Variants in FEZ2 observed in about 807,000 individuals in gnomAD.
The protein encoded by FEZ2 is fasciculation and elongation protein zeta-2.
In FEZ2, 51 loss-of-function variants were observed where a neutral mutation model predicts 40.4. The ratio of observed to expected loss-of-function variants is 1.26; its 90% confidence interval spans 1.01 to 1.59. FEZ2 has a LOEUF of 1.59. Ranked by LOEUF, FEZ2 falls within the 40% of genes most tolerant of loss-of-function variation. FEZ2 has a pLI of 0.00. For missense variants in FEZ2, 640 were observed against 438.3 expected, an observed-to-expected ratio of 1.46 and a Z score of -4.11; for synonymous variants, 242 against 172.0, an observed-to-expected ratio of 1.41 and a Z score of -3.18.
intron 5 of FEZ2, among the ~76,000 whole-genome samples, chr2:36,570,269 A>C (rs928280947): frequency 1.3e-5 from 2 of 152,068 alleles, no homozygotes; most frequent in Non-Finnish European, 2.9e-5. Flanking sequence ...CATTATACCA[A>C]AGCAGATACA....
At chr2:36,586,352 G>T (rs764223535) in intron 2 of FEZ2, among the ~76,000 whole-genome samples, 1 of 152,072 alleles carries the variant, frequency 6.6e-6, no homozygotes, top group African/African-American at 2.4e-5. Context: ...AAATTAATCC[G>T]GGGTGGGCAC....
rs1218748870 is a variant in FEZ2, at chr2:36,597,891, G to C, written c.252C>G (p.Leu84=). The change falls in exon 1 of 8, where the codon CTC becomes CTG. Residue 84 remains leucine, a synonymous_variant. Coordinates refer to ENST00000405912, the MANE Select transcript of FEZ2 (RefSeq NM_005102.3). ...CCCGCACTCACTCGTCCCCCTGCAGGAGGCTGCGCTCCGTGATGGGCCGCA... is the reference window on the plus strand; with the variant it reads ...CCCGCACTCACTCGTCCCCCTGCAGCAGGCTGCGCTCCGTGATGGGCCGCA... ...TAVRPITERS[L]LQGDEIWNAL... is the part of the protein sequence containing the mutation. 1.9e-5 allele frequency: 26 copies of C among 1,383,854 alleles called. No homozygotes were observed. Among genetic ancestry groups the C allele is most frequent in the Non-Finnish European group, 2.3e-5 (25 of 1,076,002 alleles). 85.7% of individuals were successfully genotyped at this position (1,383,854 alleles called of 1,614,324 possible). A position where few individuals can be genotyped will look rare whatever the true frequency, so the allele number is the denominator to read the frequency against.
intron 3 of FEZ2, 23 bp downstream of exon 3, chr2:36,583,330 G>T (rs11691767): frequency 0.27 from 335,909 of 1,243,486 alleles, 48,804 homozygotes; most frequent in Middle Eastern, 0.32. Flanking sequence ...CTTTCCTTGC[G>T]TTGCTGAGGA....
intron 5 of FEZ2, chr2:36,561,308 A>G (rs1009518327): frequency 6.6e-6 from 1 of 152,602 alleles, no homozygotes. Flanking sequence ...GAACATTAAC[A>G]TAACATTTAG....
chr2:36,554,697 G>C (rs1009695941), intron 7 of FEZ2, among the ~76,000 whole-genome samples: 1 of 152,162 alleles, frequency 6.6e-6, no homozygotes, highest in African/African-American at 2.4e-5. Context: ...TACTCTCACC[G>C]CATCAAGACT....
intron 1 of FEZ2, among the ~76,000 whole-genome samples, chr2:36,597,500 C>G (rs1006077268): frequency 6.6e-6 from 1 of 152,234 alleles, no homozygotes; most frequent in Non-Finnish European, 1.5e-5. Context: ...GCCTGGCACT[C>G]AGCAGGTGCT....
chr2:36,578,701 G>A lies in FEZ2; in HGVS notation c.799C>T (p.Gln267Ter). 1 of 1,613,322 alleles carries A rather than the reference G, an allele frequency of 6.2e-7. No individual in the cohort carries two copies. Among genetic ancestry groups the A allele is most frequent in the Non-Finnish European group, 8.5e-7 (1 of 1,179,788 alleles). ...TCTTTGTGCTCTTTCTGTTTGTTTT[G>A]CACTTCAATAAGAACAGAAATAAAG... The part of the protein sequence containing the change: ...NSFISVLIEV[Q>*]NKQKEHKETA... The change falls in exon 5 of 8, where the codon CAA (glutamine) becomes TAA (stop). Residue 267 changes from glutamine (Q) to a stop codon, truncating the protein, a stop_gained. Coordinates refer to ENST00000405912, the MANE Select transcript of FEZ2 (RefSeq NM_005102.3). LOFTEE classifies it high-confidence loss of function.
At chr2:36,563,880 C>T (rs960264946) in intron 5 of FEZ2, among the ~76,000 whole-genome samples, 2 of 152,228 alleles carry the variant, frequency 1.3e-5, no homozygotes, top group African/African-American at 4.8e-5. Context: ...CCCCAACCCT[C>T]CTGCTCTCTA....
At chr2:36,585,105 GA>G (rs946828671) in intron 2 of FEZ2, among the ~76,000 whole-genome samples, 1 of 150,890 alleles carries the variant, frequency 6.6e-6, no homozygotes, top group African/African-American at 2.4e-5. Flanking sequence ...TCCAGGGAGG[GA>G]AAAAAAAATC....
intron 5 of FEZ2, among the ~76,000 whole-genome samples, chr2:36,572,281 C>T (rs1668441161): frequency 6.6e-6 from 1 of 152,092 alleles, no homozygotes; most frequent in Non-Finnish European, 1.5e-5. Context: ...ATTGGCTGGC[C>T]AAGGTGTCAC....
At chr2:36,587,297 A>G (rs546880455) in intron 2 of FEZ2, among the ~76,000 whole-genome samples, 3 of 152,330 alleles carry the variant, frequency 2.0e-5, no homozygotes, top group East Asian at 1.9e-4. Context: ...AAGAGCTGGA[A>G]TATCTTTCAG....
intron 2 of FEZ2, chr2:36,589,747 C>G (rs1669011085): frequency 6.6e-6 from 1 of 152,204 alleles, no homozygotes; most frequent in Non-Finnish European, 1.5e-5. Flanking sequence ...AGCCAGAATT[C>G]TACATTTTAC....
chr2:36,581,499 G>A, intron 3 of FEZ2, 68 bp from the exon 4 acceptor site: 3 of 1,416,916 alleles, frequency 2.1e-6, no homozygotes, highest in Non-Finnish European at 3.0e-6. Context: ...GGAACACAGT[G>A]CTCACCTAAG....
intron 7 of FEZ2, among the ~76,000 whole-genome samples, chr2:36,553,787 CTCA>C (rs1461609740): frequency 6.6e-6 from 1 of 152,148 alleles, no homozygotes; most frequent in African/African-American, 2.4e-5. Flanking sequence ...AAGCCACACT[CTCA>C]TCTGTGTTAA....
chr2:36,583,496 A>C, intron 2 of FEZ2, 27 bp from the exon 3 acceptor site: 1 of 1,150,922 alleles, frequency 8.7e-7, no homozygotes. Context: ...CCATCATTAA[A>C]AGCAGGACAT....
chr2:36,560,449 T>A (rs1185027858), intron 5 of FEZ2, among the ~76,000 whole-genome samples: 1 of 152,202 alleles, frequency 6.6e-6, no homozygotes, highest in Non-Finnish European at 1.5e-5. Context: ...GAGTCACATA[T>A]TTTAGTTTAG....
At chr2:36,570,710 A>G (rs1435150092) in intron 5 of FEZ2, among the ~76,000 whole-genome samples, 3 of 152,238 alleles carry the variant, frequency 2.0e-5, no homozygotes, top group African/African-American at 7.2e-5. Context: ...CTACAAACCT[A>G]TATAGCCTGT....
In FEZ2 at chr2:36,552,923, C is replaced by T; in HGVS notation, c.*240G>A. ...ATTAATATTACTCTCTCTTAATCTA[C>T]TAAGAGAACAGTTTATTAGTAGATT... On this transcript the variant is annotated 3_prime_UTR_variant, in exon 8 of 8. Coordinates refer to ENST00000405912, the MANE Select transcript of FEZ2 (RefSeq NM_005102.3). The T allele has an allele frequency of 2.0e-6, 1 of 506,566 alleles. No individual in the cohort carries two copies. The highest frequency in any genetic ancestry group is 3.5e-6 in the Non-Finnish European group (1 of 282,846). 31.4% of individuals were successfully genotyped at this position (506,566 alleles called of 1,614,324 possible). A position where few individuals can be genotyped will look rare whatever the true frequency, so the allele number is the denominator to read the frequency against.
chr2:36,561,506 G>C (rs981686304), intron 5 of FEZ2: 1 of 152,152 alleles, frequency 6.6e-6, no homozygotes, highest in South Asian at 2.1e-4. Context: ...TCCGTTTCTA[G>C]GAAACAATTC....
Sources: gnomAD v4.1 joint callset for allele counts (sites outside exome capture counted in the v4.1 genomes callset) on GRCh38, gnomAD v4.1.1 for gene constraint, MANE v1.5 for transcripts, NCBI Gene and HGNC (gene_info 2026-07-23, HGNC 2026-07-21) for gene names.